MARCHF1: variants seen among roughly 807,000 people sequenced by gnomAD.
The protein encoded by MARCHF1 is E3 ubiquitin-protein ligase MARCHF1.
In MARCHF1, 40 loss-of-function variants were observed where a neutral mutation model predicts 54.2. The ratio of observed to expected loss-of-function variants is 0.74; its 90% CI spans 0.57 to 0.96. The LOEUF (loss-of-function observed/expected upper bound fraction) is 0.96, where lower values mean the gene tolerates loss of function less well. Among genes scored for constraint, MARCHF1 ranks in the 40% least tolerant of loss-of-function variants. MARCHF1 has a pLI of 0.00. For missense variants in MARCHF1, 586 were observed against 656.5 expected, an observed-to-expected ratio of 0.89 and a Z score of 1.17; for synonymous variants, 236 against 236.3, an observed-to-expected ratio of 1.00 and a Z score of 0.01.
intron 4 of MARCHF1, 68 bp downstream of exon 4, chr4:163,853,953 C>T: frequency 7.3e-7 from 1 of 1,363,292 alleles, no homozygotes; most frequent in Non-Finnish European, 1.0e-6. Flanking sequence ...TAAGGTCATC[C>T]TCTCCACATT....
intron 2 of MARCHF1, among the ~76,000 whole-genome samples, chr4:164,017,022 A>G (rs1011223870): frequency 1.3e-5 from 2 of 152,102 alleles, no homozygotes; most frequent in Admixed American, 6.6e-5. Flanking sequence ...ATTTTAAAAG[A>G]TGTATCTAAC....
At chr4:164,319,045 GA>G (rs1735072033) in intron 1 of MARCHF1, among the ~76,000 whole-genome samples, 1 of 152,120 alleles carries the variant, frequency 6.6e-6, no homozygotes, top group South Asian at 2.1e-4. Context: ...GGACCCCAAA[GA>G]TAATCACAGT....
In MARCHF1 at chr4:163,624,131, G is replaced by T. The variant is rs76812249; in HGVS notation, c.163-10738C>A. Among the ~76,000 whole-genome samples, 27 of 152,282 alleles carry T rather than the reference G, an allele frequency of 1.8e-4. No homozygotes were observed. In the East Asian group the frequency reaches 5.2e-3, roughly 29 times the overall value. On this transcript the variant is annotated intron_variant, in intron 5 of 9. Coordinates refer to ENST00000514618, the MANE Select transcript of MARCHF1 (RefSeq NM_001394959.1). The stretch of plus-strand genomic sequence containing the variant: ...GGGCCAATGGTAATTGTAAGGCTAT[G>T]CAGTTGTTAACTGTTCCAAGGCTTT...
chr4:163,797,405 GAT>G (rs2110960294), intron 4 of MARCHF1, among the ~76,000 whole-genome samples: 1 of 151,646 alleles, frequency 6.6e-6, no homozygotes, highest in South Asian at 2.1e-4. Context: ...TGGGCTTCTT[GAT>G]ATGGAGTTGG....
chr4:163,704,542 CT>C (rs1046391233), intron 4 of MARCHF1, among the ~76,000 whole-genome samples: 5 of 149,662 alleles, frequency 3.3e-5, no homozygotes, highest in East Asian at 2.0e-4. Context: ...TTTACAGGGT[CT>C]TTTTTTTTCA....
chr4:164,007,203 G>A (rs577025965), intron 2 of MARCHF1, among the ~76,000 whole-genome samples: 8 of 150,348 alleles, frequency 5.3e-5, no homozygotes, highest in Admixed American at 2.0e-4. Flanking sequence ...AAAATTAGCC[G>A]GGCGTGGTGG....
chr4:164,008,832 CAGTA>C (rs1311369679), intron 2 of MARCHF1, among the ~76,000 whole-genome samples: 2 of 151,266 alleles, frequency 1.3e-5, no homozygotes, highest in African/African-American at 2.4e-5. Flanking sequence ...ATGGCAAAAA[CAGTA>C]AGAAGAGAGA....
intron 3 of MARCHF1, among the ~76,000 whole-genome samples, chr4:163,875,924 G>A (rs1750277717): frequency 6.6e-6 from 1 of 152,058 alleles, no homozygotes; most frequent in Admixed American, 6.5e-5. Context: ...GAAGAAAGTA[G>A]ATTTAAGGCA....
In MARCHF1 at chr4:163,585,914, T is replaced by C; in HGVS notation, c.1026A>G (p.Glu342=). Residue 342 remains glutamate, a synonymous_variant, in exon 8 of 10, where the codon GAA becomes GAG. Transcript: ENST00000514618. ...NLEVCRICHC[E]GDEESPLITP... ...TGATGAGGGGGCTCTCTTCATCCCCTTCGCAGTGACAGATTCTGCAGAAAG... is the reference window on the plus strand; with the variant it reads ...TGATGAGGGGGCTCTCTTCATCCCCCTCGCAGTGACAGATTCTGCAGAAAG... The C allele has an allele frequency of 1.2e-6, 2 of 1,607,014 alleles. No homozygotes were observed.
chr4:163,915,255 C>G (rs1751282119), intron 3 of MARCHF1, among the ~76,000 whole-genome samples: 1 of 152,068 alleles, frequency 6.6e-6, no homozygotes, highest in Non-Finnish European at 1.5e-5. Context: ...AAAAAATTCT[C>G]TCTTAATATG....
chr4:164,332,667 T>C (rs28663211), intron 1 of MARCHF1, among the ~76,000 whole-genome samples: 3,826 of 152,254 alleles, frequency 0.025, 148 homozygotes, highest in African/African-American at 0.084. Context: ...AGAGCCCTGA[T>C]TTAAGCACCT....
chr4:163,818,733 C>T (rs57919615), intron 4 of MARCHF1, among the ~76,000 whole-genome samples: 2,237 of 152,130 alleles, frequency 0.015, 65 homozygotes, highest in African/African-American at 0.052. Context: ...TTTAATTGAC[C>T]TCTCGTTTGT....
intron 9 of MARCHF1, chr4:163,530,771 A>G (rs184413055): frequency 1.1e-4 from 17 of 151,916 alleles, no homozygotes; most frequent in African/African-American, 4.1e-4. Flanking sequence ...AGCAAAGGTA[A>G]ATTTTTTCTA....
chr4:163,625,571 A>G (rs745796947), intron 5 of MARCHF1, among the ~76,000 whole-genome samples: 1 of 152,382 alleles, frequency 6.6e-6, no homozygotes. Context: ...CAGTAGAGAT[A>G]GAGATGACAA....
chr4:164,344,254 G>A (rs765054868), intron 1 of MARCHF1, among the ~76,000 whole-genome samples: 8 of 152,068 alleles, frequency 5.3e-5, no homozygotes, highest in Non-Finnish European at 1.0e-4. Flanking sequence ...GGAGAAGATC[G>A]GAAAACAATG....
At chr4:164,176,614 C>T (rs988432603) in intron 1 of MARCHF1, among the ~76,000 whole-genome samples, 15 of 152,038 alleles carry the variant, frequency 9.9e-5, no homozygotes, top group African/African-American at 3.6e-4. Context: ...AATTAATATG[C>T]TCCTACCCTA....
chr4:164,097,009 C>T (rs1166400953), intron 2 of MARCHF1, among the ~76,000 whole-genome samples: 1 of 152,078 alleles, frequency 6.6e-6, no homozygotes, highest in Non-Finnish European at 1.5e-5. Context: ...TGTTAATGTT[C>T]ATTTTACTCT....
At chr4:163,674,002 C>T (rs1743820500) in intron 5 of MARCHF1, among the ~76,000 whole-genome samples, 2 of 152,140 alleles carry the variant, frequency 1.3e-5, no homozygotes, top group Admixed American at 1.3e-4. Context: ...CCCTGGGCAA[C>T]TCCTCAGGCC....
At chr4:163,968,927 C>T (rs1363194956) in intron 3 of MARCHF1, among the ~76,000 whole-genome samples, 2 of 152,128 alleles carry the variant, frequency 1.3e-5, no homozygotes, top group African/African-American at 4.8e-5. Context: ...ATTGCTCCCC[C>T]AGGCTTATGT....
Sources: gnomAD v4.1 joint callset for allele counts (sites outside exome capture counted in the v4.1 genomes callset) on GRCh38, gnomAD v4.1.1 for gene constraint, MANE v1.5 for transcripts, NCBI Gene and HGNC (gene_info 2026-07-23, HGNC 2026-07-21) for gene names.